The following KCNH5 variants were observed in gnomAD, a reference collection of about 807,000 sequenced individuals.
KCNH5 encodes voltage-gated delayed rectifier potassium channel KCNH5.
In KCNH5, 46 loss-of-function variants were observed where a neutral mutation model predicts 96.1. That is an observed-to-expected ratio of 0.48 (90% CI 0.38 to 0.61). The LOEUF is 0.61. Ranked by LOEUF, KCNH5 falls within the 20% of genes least tolerant of loss-of-function variation. The pLI is 0.00. For synonymous variants in KCNH5, 439 were observed against 449.8 expected (o/e 0.98, Z 0.30); for missense variants, 907 against 1,225.8 (o/e 0.74, Z 3.88).
intron 10 of KCNH5, among the ~76,000 whole-genome samples, chr14:62,759,422 C>T (rs780355990): frequency 5.9e-5 from 9 of 152,038 alleles, no homozygotes; most frequent in Admixed American, 1.3e-4. Context: ...TGGGGCATGG[C>T]TATTTGATTA....
At chr14:62,804,361 A>G (rs140554392) in intron 8 of KCNH5, among the ~76,000 whole-genome samples, 20 of 152,316 alleles carry the variant, frequency 1.3e-4, no homozygotes, top group African/African-American at 4.8e-4. Flanking sequence ...TATTTAATAT[A>G]TAAACCTTTA....
chr14:62,802,703 TGG>T (rs1886689039), intron 8 of KCNH5, 122 bp from the exon 9 acceptor site: 3 of 1,212,254 alleles, frequency 2.5e-6, no homozygotes, highest in Non-Finnish European at 3.4e-6. Context: ...CACACCTTGC[TGG>T]GTACTGGGAA....
chr14:62,927,214 A>G (rs923651344), intron 7 of KCNH5, among the ~76,000 whole-genome samples: 33 of 152,176 alleles, frequency 2.2e-4, no homozygotes, highest in African/African-American at 7.7e-4. Flanking sequence ...CACACCATTA[A>G]GATGGCTACT....
chr14:62,971,348 T>C (rs1890403969), intron 6 of KCNH5, among the ~76,000 whole-genome samples: 1 of 152,028 alleles, frequency 6.6e-6, no homozygotes, highest in Admixed American at 6.5e-5. Flanking sequence ...ACTGATGAAA[T>C]ATATCAAAGA....
chr14:62,918,996 A>C (rs1889329671), intron 7 of KCNH5, among the ~76,000 whole-genome samples: 1 of 152,128 alleles, frequency 6.6e-6, no homozygotes, highest in Non-Finnish European at 1.5e-5. Flanking sequence ...TGTTACAGCC[A>C]TACAAAGTAG....
chr14:62,777,387 C>T (rs1886119753), intron 10 of KCNH5, among the ~76,000 whole-genome samples: 1 of 152,130 alleles, frequency 6.6e-6, no homozygotes, highest in Non-Finnish European at 1.5e-5. Context: ...GACTATACTG[C>T]TCTGTTTGTG....
intron 7 of KCNH5, among the ~76,000 whole-genome samples, chr14:62,935,864 C>G (rs1323683812): frequency 6.6e-6 from 1 of 152,102 alleles, no homozygotes; most frequent in Non-Finnish European, 1.5e-5. Flanking sequence ...ATCTGAGAGT[C>G]GGCTGGCTCC....
chr14:62,774,493 T>C (rs1326872312), intron 10 of KCNH5, among the ~76,000 whole-genome samples: 1 of 152,170 alleles, frequency 6.6e-6, no homozygotes, highest in African/African-American at 2.4e-5. Flanking sequence ...GTGCAACAAA[T>C]AGGTAAAATG....
intron 10 of KCNH5, among the ~76,000 whole-genome samples, chr14:62,749,735 G>A (rs1885456064): frequency 2.6e-5 from 4 of 152,176 alleles, no homozygotes; most frequent in South Asian, 2.1e-4. Context: ...AAGGCTACAG[G>A]TAATAAAGAC....
intron 10 of KCNH5, among the ~76,000 whole-genome samples, chr14:62,766,635 A>G (rs758511269): frequency 1.3e-5 from 2 of 152,138 alleles, no homozygotes; most frequent in African/African-American, 2.4e-5. Flanking sequence ...AATCAAAATA[A>G]TTGAACTCAT....
At chr14:62,804,481 G>C (rs1886725821) in intron 8 of KCNH5, among the ~76,000 whole-genome samples, 1 of 152,164 alleles carries the variant, frequency 6.6e-6, no homozygotes, top group African/African-American at 2.4e-5. Flanking sequence ...CACTGTGTTT[G>C]CCTCAGGTTA....
intron 10 of KCNH5, among the ~76,000 whole-genome samples, chr14:62,767,091 AT>A (rs1885877432): frequency 6.6e-6 from 1 of 151,864 alleles, no homozygotes. Flanking sequence ...ATCAATAGTC[AT>A]TAGAGAAATG....
chr14:62,876,784 C>G (rs1284358037), intron 7 of KCNH5, among the ~76,000 whole-genome samples: 1 of 152,070 alleles, frequency 6.6e-6, no homozygotes, highest in East Asian at 1.9e-4. Flanking sequence ...CCTGTTTGGT[C>G]AATTGATTTT....
At chr14:63,003,500 ATATT>A (rs1891053924) in intron 3 of KCNH5, among the ~76,000 whole-genome samples, 2 of 123,096 alleles carry the variant, frequency 1.6e-5, no homozygotes, top group Non-Finnish European at 3.2e-5. Flanking sequence ...TATTATATAT[ATATT>A]TTATATATAT....
At chr14:62,722,394 G>A (rs149297568) in intron 10 of KCNH5, among the ~76,000 whole-genome samples, 1,545 of 151,838 alleles carry the variant, frequency 0.01, 22 homozygotes, top group African/African-American at 0.035. Flanking sequence ...TTATAAAGAT[G>A]AAAAAAAACC....
chr14:62,732,955 C>G (rs1178534186), intron 10 of KCNH5, among the ~76,000 whole-genome samples: 1 of 151,906 alleles, frequency 6.6e-6, no homozygotes, highest in Non-Finnish European at 1.5e-5. Context: ...TCTCCTTCTT[C>G]TTGTCCCCCT....
chr14:63,010,261 T>C (rs889186222), intron 2 of KCNH5, among the ~76,000 whole-genome samples: 3 of 152,138 alleles, frequency 2.0e-5, no homozygotes, highest in Non-Finnish European at 4.4e-5. Context: ...ATAAGGACAA[T>C]AATAATATAA....
intron 6 of KCNH5, among the ~76,000 whole-genome samples, chr14:62,959,306 T>C (rs902105049): frequency 6.6e-6 from 1 of 152,194 alleles, no homozygotes; most frequent in Non-Finnish European, 1.5e-5. Context: ...ATCCAAAATG[T>C]ATAATTTTGT....
chr14:62,875,908 GC>G (rs1175574760), intron 7 of KCNH5, among the ~76,000 whole-genome samples: 1 of 152,114 alleles, frequency 6.6e-6, no homozygotes, highest in African/African-American at 2.4e-5. Flanking sequence ...TATGGCTCAT[GC>G]CTGTATCCCA....
Sources: allele counts gnomAD v4.1 joint callset (sites outside exome capture counted in the v4.1 genomes callset), GRCh38; gene constraint gnomAD v4.1.1; transcripts MANE v1.5; gene names NCBI Gene and HGNC (gene_info 2026-07-23, HGNC 2026-07-21).